The following TMEM74 variants were observed in gnomAD, a reference collection of about 807,000 sequenced individuals.
TMEM74 encodes the protein transmembrane protein 74.
In TMEM74, 13 loss-of-function variants were observed where a neutral mutation model predicts 18.1. The observed-to-expected ratio is 0.72, with a 90% CI of 0.47 to 1.14. The LOEUF (loss-of-function observed/expected upper bound fraction) is 1.14, where lower values mean the gene tolerates loss of function less well. Ranked by LOEUF, TMEM74 falls within the 50% of genes most tolerant of loss-of-function variation. The probability of loss-of-function intolerance (pLI) is 0.00; values close to 1 mark genes in which losing one functional copy is unlikely to be tolerated. For missense variants in TMEM74, 372 were observed against 375.9 expected, an observed-to-expected ratio of 0.99 and a Z score of 0.09; for synonymous variants, 159 against 146.6, an observed-to-expected ratio of 1.08 and a Z score of -0.61.
chr8:108,661,789 G>C (rs1812902336), intron 1 of TMEM74, among the ~76,000 whole-genome samples: 1 of 152,054 alleles, frequency 6.6e-6, no homozygotes, highest in South Asian at 2.1e-4. Flanking sequence ...TTTAAAAGAA[G>C]AATGGGAATT....
intron 1 of TMEM74, among the ~76,000 whole-genome samples, chr8:108,720,235 T>G (rs977347519): frequency 2.6e-5 from 4 of 152,086 alleles, no homozygotes; most frequent in Admixed American, 2.6e-4. Context: ...TAAAATAAAA[T>G]AATCACATTC....
At chr8:108,707,226 C>T (rs1813425049) in intron 1 of TMEM74, among the ~76,000 whole-genome samples, 1 of 151,662 alleles carries the variant, frequency 6.6e-6, no homozygotes, top group Admixed American at 6.6e-5. Context: ...AGGAAAAATA[C>T]CTAATGTAAA....
intron 2 of TMEM74, among the ~76,000 whole-genome samples, chr8:108,614,725 T>C (rs1812367022): frequency 6.6e-6 from 1 of 152,062 alleles, no homozygotes; most frequent in Non-Finnish European, 1.5e-5. Flanking sequence ...GAGCACTGCA[T>C]TGGGGTGAGG....
intron 2 of TMEM74, among the ~76,000 whole-genome samples, chr8:108,610,087 C>T (rs570744441): frequency 1.3e-3 from 199 of 152,308 alleles, no homozygotes; most frequent in Middle Eastern, 6.8e-3. Context: ...GTCCCATCCC[C>T]TACCCAAAGA....
At chr8:108,661,305 T>C (rs975849889) in intron 1 of TMEM74, among the ~76,000 whole-genome samples, 3 of 151,784 alleles carry the variant, frequency 2.0e-5, no homozygotes, top group African/African-American at 4.8e-5. Context: ...TTTTAGTTTA[T>C]GATTTGCAAG....
In TMEM74 at chr8:108,680,361, C is replaced by G. The variant is rs1305100487; in HGVS notation, n.120-24924G>C. The stretch of plus-strand genomic sequence containing the variant: ...TCCCTGAGATGCAAGGCTGGTTCAA[C>G]AAATGCAAATCAATAAATGTAATCC... On this transcript the variant is annotated intron_variant and non_coding_transcript_variant, in intron 1 of 3. Transcript: ENST00000518838. 2.0e-5 allele frequency among the ~76,000 whole-genome samples: 3 copies of G among 152,186 alleles called. No individual in the cohort carries two copies. In the East Asian group the frequency reaches 5.8e-4, roughly 29 times the overall value.
At chr8:108,761,111 C>T (rs533650630) in intron 1 of TMEM74, among the ~76,000 whole-genome samples, 1 of 152,058 alleles carries the variant, frequency 6.6e-6, no homozygotes, top group South Asian at 2.1e-4. Context: ...TCAATTCGTT[C>T]CTCCATCAAT....
At chr8:108,746,748 T>A (rs942582928) in intron 1 of TMEM74, among the ~76,000 whole-genome samples, 1 of 151,998 alleles carries the variant, frequency 6.6e-6, no homozygotes, top group Non-Finnish European at 1.5e-5. Context: ...GTCTGGAGGT[T>A]GAGACCATAA....
At chr8:108,701,074 G>T (rs901460347) in intron 1 of TMEM74, among the ~76,000 whole-genome samples, 1 of 151,946 alleles carries the variant, frequency 6.6e-6, no homozygotes, top group Non-Finnish European at 1.5e-5. Flanking sequence ...GATGTGCAAG[G>T]TTGAGTCAAC....
chr8:108,675,119 T>G (rs1367335241), intron 1 of TMEM74, among the ~76,000 whole-genome samples: 1 of 152,182 alleles, frequency 6.6e-6, no homozygotes, highest in Non-Finnish European at 1.5e-5. Flanking sequence ...TTTTATATGT[T>G]TCCTAGAGTT....
chr8:108,712,893 G>A (rs1813487768), intron 1 of TMEM74, among the ~76,000 whole-genome samples: 1 of 152,186 alleles, frequency 6.6e-6, no homozygotes, highest in Non-Finnish European at 1.5e-5. Context: ...ATTGCTTCCT[G>A]GAGGTAGTGT....
intron 1 of TMEM74, among the ~76,000 whole-genome samples, chr8:108,705,301 G>T (rs1377585205): frequency 1.3e-5 from 2 of 152,192 alleles, no homozygotes; most frequent in Admixed American, 6.5e-5. Flanking sequence ...GAGAAGGAAG[G>T]TTATTTATCT....
chr8:108,759,714 G>A (rs752646162), intron 1 of TMEM74, among the ~76,000 whole-genome samples: 6 of 152,136 alleles, frequency 3.9e-5, no homozygotes, highest in Non-Finnish European at 8.8e-5. Context: ...AAAATATTTG[G>A]AAGTTTACAT....
intron 1 of TMEM74, among the ~76,000 whole-genome samples, chr8:108,675,099 G>A (rs189976333): frequency 5.3e-5 from 8 of 152,280 alleles, no homozygotes; most frequent in East Asian, 3.9e-4. Context: ...AGATCATTCT[G>A]AGACATATGT....
chr8:108,730,878 G>A (rs1437298224), intron 1 of TMEM74, among the ~76,000 whole-genome samples: 2 of 151,930 alleles, frequency 1.3e-5, no homozygotes, highest in African/African-American at 4.8e-5. Context: ...TGATCCGCCC[G>A]CCTCGGCTCC....
At chr8:108,745,712 C>A (rs2130649135) in intron 1 of TMEM74, among the ~76,000 whole-genome samples, 1 of 152,226 alleles carries the variant, frequency 6.6e-6, no homozygotes, top group East Asian at 1.9e-4. Flanking sequence ...GTCTTATGCC[C>A]AATTTCTGCC....
At chr8:108,612,767 T>C (rs1812345959) in intron 2 of TMEM74, among the ~76,000 whole-genome samples, 2 of 152,246 alleles carry the variant, frequency 1.3e-5, no homozygotes, top group Non-Finnish European at 2.9e-5. Context: ...GAGGTTTTTA[T>C]GCTCCAGCTG....
At chr8:108,666,629 C>T (rs961389354) in intron 1 of TMEM74, among the ~76,000 whole-genome samples, 1 of 152,094 alleles carries the variant, frequency 6.6e-6, no homozygotes, top group Non-Finnish European at 1.5e-5. Context: ...CTAATCTACT[C>T]TTCATCATCT....
intron 1 of TMEM74, among the ~76,000 whole-genome samples, chr8:108,705,981 C>T (rs923499065): frequency 6.6e-6 from 1 of 152,198 alleles, no homozygotes; most frequent in Non-Finnish European, 1.5e-5. Context: ...TTCCAAACAG[C>T]AGAGCCCCAG....
Sources: gnomAD v4.1 joint callset for allele counts (sites outside exome capture counted in the v4.1 genomes callset) on GRCh38, gnomAD v4.1.1 for gene constraint, MANE v1.5 for transcripts, NCBI Gene and HGNC (gene_info 2026-07-23, HGNC 2026-07-21) for gene names.